PARVA: variants seen among roughly 807,000 people sequenced by gnomAD.
The protein encoded by PARVA is parvin alpha.
A neutral mutation model predicts 52.6 loss-of-function variants in PARVA; 25 were observed. The ratio of observed to expected loss-of-function variants is 0.48; its 90% CI spans 0.35 to 0.66. PARVA has a LOEUF of 0.66. Among genes scored for constraint, PARVA ranks in the 30% least tolerant of loss-of-function variants. PARVA has a pLI of 0.01. For missense variants in PARVA, 373 were observed against 450.9 expected, an observed-to-expected ratio of 0.83 and a Z score of 1.56; for synonymous variants, 185 against 179.1, an observed-to-expected ratio of 1.03 and a Z score of -0.26.
intron 6 of PARVA, among the ~76,000 whole-genome samples, chr11:12,508,086 C>T (rs991814726): frequency 2.3e-5 from 3 of 131,972 alleles, no homozygotes; most frequent in Non-Finnish European, 4.7e-5. Context: ...TAAAAGCTCC[C>T]ATATTTATCA....
At chr11:12,438,646 C>T (rs976793588) in intron 1 of PARVA, among the ~76,000 whole-genome samples, 4 of 152,194 alleles carry the variant, frequency 2.6e-5, no homozygotes, top group Admixed American at 2.0e-4. Context: ...AATAAATATC[C>T]ACTAAGGGCC....
At chr11:12,463,319 G>A (rs971275647) in intron 1 of PARVA, among the ~76,000 whole-genome samples, 8 of 152,066 alleles carry the variant, frequency 5.3e-5, no homozygotes, top group South Asian at 4.2e-4. Context: ...TCCACATTAC[G>A]TTTTGTCTTC....
At chr11:12,446,619 T>G (rs1234537675) in intron 1 of PARVA, among the ~76,000 whole-genome samples, 1 of 152,220 alleles carries the variant, frequency 6.6e-6, no homozygotes, top group African/African-American at 2.4e-5. Flanking sequence ...TGAATATTAT[T>G]AAAATATCAA....
At chr11:12,434,379 G>A (rs1401772705) in intron 1 of PARVA, among the ~76,000 whole-genome samples, 1 of 152,142 alleles carries the variant, frequency 6.6e-6, no homozygotes, top group African/African-American at 2.4e-5. Context: ...GGGACCCCCA[G>A]TACTTTTCGT....
chr11:12,383,987 CA>C (rs145737288), intron 1 of PARVA, among the ~76,000 whole-genome samples: 1 of 152,142 alleles, frequency 6.6e-6, no homozygotes, highest in African/African-American at 2.4e-5. Context: ...TGAGCTCCTT[CA>C]AGTTCCCTTT....
At chr11:12,494,442 A>T (rs758778790) in intron 4 of PARVA, among the ~76,000 whole-genome samples, 33 of 152,246 alleles carry the variant, frequency 2.2e-4, no homozygotes, top group Middle Eastern at 6.8e-3. Flanking sequence ...ATAAACTCAG[A>T]TGTAGGTGAA....
At chr11:12,393,507 C>A (rs1939692345) in intron 1 of PARVA, among the ~76,000 whole-genome samples, 1 of 152,068 alleles carries the variant, frequency 6.6e-6, no homozygotes, top group Non-Finnish European at 1.5e-5. Flanking sequence ...AGTTGTCTTC[C>A]ACATGGTCAT....
intron 1 of PARVA, among the ~76,000 whole-genome samples, chr11:12,434,799 C>A (rs1940365036): frequency 6.6e-6 from 1 of 152,178 alleles, no homozygotes; most frequent in Non-Finnish European, 1.5e-5. Context: ...TTTGTTCTTA[C>A]TGCTCAAACT....
intron 1 of PARVA, among the ~76,000 whole-genome samples, chr11:12,383,853 T>G (rs1939530174): frequency 6.6e-6 from 1 of 152,204 alleles, no homozygotes; most frequent in African/African-American, 2.4e-5. Flanking sequence ...TGCATATAAG[T>G]GGACTCTTGA....
rs560159653 is a variant in PARVA at position 12,526,020 on chromosome 11, A to C, written c.1043-1829A>C. 2.0e-3 allele frequency among the ~76,000 whole-genome samples: 305 copies of C among 152,204 alleles called. 1 individual carries two copies. Among genetic ancestry groups the C allele is most frequent in the African/African-American group, 7.1e-3 (293 of 41,554 alleles). ...GGCAGTTCCAGTTGCAAGAATCCCA[A>C]GGCTAAATACAGAGTGATATAACGG... On this transcript the variant is annotated intron_variant, in intron 12 of 12. Coordinates refer to ENST00000334956, the MANE Select transcript of PARVA (RefSeq NM_018222.5).
At chr11:12,511,252 A>G (rs76605737) in intron 7 of PARVA, among the ~76,000 whole-genome samples, 1,561 of 152,330 alleles carry the variant, frequency 0.01, 30 homozygotes, top group African/African-American at 0.035. Flanking sequence ...AGGCATCACT[A>G]TGCCAGGCTT....
At chr11:12,488,697 G>C (rs1021945961) in intron 4 of PARVA, among the ~76,000 whole-genome samples, 1 of 152,164 alleles carries the variant, frequency 6.6e-6, no homozygotes, top group Non-Finnish European at 1.5e-5. Context: ...AAAGAAGTCT[G>C]CTTCAGATAA....
chr11:12,411,552 TG>T (rs1170155829), intron 1 of PARVA, among the ~76,000 whole-genome samples: 1 of 152,224 alleles, frequency 6.6e-6, no homozygotes, highest in Non-Finnish European at 1.5e-5. Flanking sequence ...AGGTTCCTCT[TG>T]GCTATAATAG....
At position 12,508,116 on chromosome 11, in the gene PARVA, A is replaced by AC. The variant is rs1428503329; in HGVS notation, c.658-468_658-467insC. Among the ~76,000 whole-genome samples the AC allele has an allele frequency of 5.4e-3, 677 of 125,112 alleles. 9 individuals carry two copies. Among genetic ancestry groups the AC allele is most frequent in the African/African-American group, 0.023 (640 of 28,130 alleles). The allele number at this position is 125,112 out of a possible 152,430, so 82.1% of individuals were successfully genotyped here. On this transcript the variant is annotated intron_variant, in intron 6 of 12. Transcript: ENST00000334956. ...TTATCAGTTAAAAAAAAAAAAAAAA[A>AC]AAAAAACCAAAAAAAAAAACCCTCT... is the stretch of plus-strand genomic sequence containing the variant.
chr11:12,478,165 T>C lies in PARVA; in HGVS notation c.400+216T>C. 4.6e-6 allele frequency: 3 copies of C among 646,966 alleles called. 1 individual carries two copies. The Admixed American group carries it at 6.3e-5, about 14-fold the overall frequency. 40.1% of individuals were successfully genotyped at this position (646,966 alleles called of 1,614,324 possible). ...TGTAGAGGGAGTCTCCATGACTAGG[T>C]GGGCCTGCTCCTTCTAGCAGCCAAG... On this transcript the variant is annotated intron_variant, in intron 4 of 12. Transcript: ENST00000334956.
chr11:12,475,185 TGCTCCCAGC>T (rs1418983130), intron 3 of PARVA, among the ~76,000 whole-genome samples: 1 of 152,036 alleles, frequency 6.6e-6, no homozygotes, highest in Non-Finnish European at 1.5e-5. Context: ...AGCCGATGCG[TGCTCCCAGC>T]GCTCCCCACC....
chr11:12,397,833 T>C (rs1182012426), intron 1 of PARVA, among the ~76,000 whole-genome samples: 3 of 151,730 alleles, frequency 2.0e-5, no homozygotes, highest in East Asian at 1.9e-4. Context: ...TTTTTTTTTT[T>C]TTCTTCAACT....
intron 1 of PARVA, among the ~76,000 whole-genome samples, chr11:12,416,105 A>G (rs1940061617): frequency 6.6e-6 from 1 of 152,160 alleles, no homozygotes; most frequent in Non-Finnish European, 1.5e-5. Context: ...TTGAGGGGGA[A>G]TTTTCCCCCT....
chr11:12,483,815 G>T (rs1941121614), intron 4 of PARVA, among the ~76,000 whole-genome samples: 1 of 152,164 alleles, frequency 6.6e-6, no homozygotes, highest in South Asian at 2.1e-4. Context: ...CAGCAACGCT[G>T]GCCTGCCTCT....
Sources: gnomAD v4.1 joint callset for allele counts (sites outside exome capture counted in the v4.1 genomes callset) on GRCh38, gnomAD v4.1.1 for gene constraint, MANE v1.5 for transcripts, NCBI Gene and HGNC (gene_info 2026-07-23, HGNC 2026-07-21) for gene names.